Variants in MARCHF11 observed in about 807,000 individuals in gnomAD.
The protein encoded by MARCHF11 is membrane associated ring-CH-type finger 11.
A neutral mutation model predicts 37.3 loss-of-function variants in MARCHF11; 29 were observed. The ratio of observed to expected loss-of-function variants is 0.78; its 90% CI spans 0.58 to 1.06. MARCHF11 has a LOEUF of 1.06. Ranked by LOEUF, MARCHF11 falls within the 50% of genes least tolerant of loss-of-function variation. MARCHF11 has a pLI of 0.00. For synonymous variants in MARCHF11, 233 were observed against 228.0 expected (o/e 1.02, Z -0.20); for missense variants, 482 against 533.4 (o/e 0.90, Z 0.95).
intron 2 of MARCHF11, among the ~76,000 whole-genome samples, chr5:16,175,051 C>A (rs550021758): frequency 6.6e-6 from 1 of 152,356 alleles, no homozygotes; most frequent in South Asian, 2.1e-4. Flanking sequence ...GGAGGGAGAA[C>A]TGACACACCA....
intron 2 of MARCHF11, among the ~76,000 whole-genome samples, chr5:16,170,009 T>C (rs1738232152): frequency 6.6e-6 from 1 of 152,108 alleles, no homozygotes; most frequent in Non-Finnish European, 1.5e-5. Flanking sequence ...AAATAGCCTG[T>C]TGTCTGGCTA....
chr5:16,131,752 G>T lies in MARCHF11; in HGVS notation c.694-40671C>A, dbSNP rs372942060. On this transcript the variant is annotated intron_variant, in intron 2 of 3. Coordinates refer to ENST00000332432, the MANE Select transcript of MARCHF11 (RefSeq NM_001102562.3). The stretch of plus-strand genomic sequence containing the variant: ...TCTGGGAACATTGCCATTTCATGAT[G>T]GACAGCTTAAATGGAAAGATCACTA... 3.3e-5 allele frequency among the ~76,000 whole-genome samples: 5 copies of T among 152,282 alleles called. 1 individual carries two copies. Among genetic ancestry groups the T allele is most frequent in the East Asian group, 1.9e-4 (1 of 5,186 alleles).
chr5:16,091,368 A>G (rs1168692449), intron 2 of MARCHF11, among the ~76,000 whole-genome samples: 5 of 152,230 alleles, frequency 3.3e-5, no homozygotes, highest in African/African-American at 1.2e-4. Flanking sequence ...AATATTTAGT[A>G]TCTGGAAATC....
intron 2 of MARCHF11, among the ~76,000 whole-genome samples, chr5:16,122,476 T>TTA (rs1737326830): frequency 1.3e-5 from 2 of 152,198 alleles, no homozygotes; most frequent in African/African-American, 4.8e-5. Context: ...TAAGTAATAC[T>TTA]TATATTTTTA....
intron 2 of MARCHF11, among the ~76,000 whole-genome samples, chr5:16,155,160 A>C (rs344731): frequency 1.3e-5 from 2 of 151,856 alleles, no homozygotes; most frequent in Non-Finnish European, 2.9e-5. Flanking sequence ...AGAGCCATAC[A>C]CACTAACTAC....
chr5:16,176,465 A>G (rs959252722), intron 2 of MARCHF11, among the ~76,000 whole-genome samples: 5 of 152,184 alleles, frequency 3.3e-5, no homozygotes, highest in African/African-American at 1.2e-4. Flanking sequence ...TTCTTGGAAA[A>G]GGTGTCAGGT....
At chr5:16,164,045 A>G (rs1459565915) in intron 2 of MARCHF11, among the ~76,000 whole-genome samples, 1 of 152,062 alleles carries the variant, frequency 6.6e-6, no homozygotes, top group Non-Finnish European at 1.5e-5. Context: ...CAAACCTGCT[A>G]GGGGCTTGAT....
chr5:16,163,009 A>G (rs984115473), intron 2 of MARCHF11, among the ~76,000 whole-genome samples: 1 of 152,034 alleles, frequency 6.6e-6, no homozygotes, highest in African/African-American at 2.4e-5. Context: ...GCATATTGCC[A>G]AAGTCCATGC....
At chr5:16,085,011 TGC>T (rs201791148) in intron 3 of MARCHF11, among the ~76,000 whole-genome samples, 338 of 149,210 alleles carry the variant, frequency 2.3e-3, no homozygotes, top group African/African-American at 7.7e-3. Context: ...TGTGTGTGTG[TGC>T]GCCTATATCT....
chr5:16,099,427 T>G (rs1277203262), intron 2 of MARCHF11, among the ~76,000 whole-genome samples: 1 of 152,198 alleles, frequency 6.6e-6, no homozygotes, highest in African/African-American at 2.4e-5. Flanking sequence ...GATTTTTCAC[T>G]GATGTAATTT....
In MARCHF11 at chr5:16,179,676, A is replaced by C. The variant is rs1160263635; in HGVS notation, c.-101T>G. 3.2e-6 allele frequency: 1 copy of C among 316,944 alleles called. No homozygotes were observed. The highest frequency in any genetic ancestry group is 3.7e-6 in the Non-Finnish European group (1 of 269,496). The allele number at this position is 316,944 out of a possible 1,614,324, so 19.6% of individuals were successfully genotyped here. On this transcript the variant is annotated 5_prime_UTR_variant, in exon 1 of 4. Coordinates refer to ENST00000332432, the MANE Select transcript of MARCHF11 (RefSeq NM_001102562.3). ...GGGGCGGGAGGGAGAGGGGAAAAGG[A>C]GGGAGGGGGCCCGGACGCCTGGGGC... is the stretch of plus-strand genomic sequence containing the variant.
chr5:16,105,802 C>A (rs919682932), intron 2 of MARCHF11, among the ~76,000 whole-genome samples: 1 of 151,328 alleles, frequency 6.6e-6, no homozygotes, highest in South Asian at 2.1e-4. Context: ...TGTTTTTTTT[C>A]AATTTCATTT....
chr5:16,122,799 C>T (rs79430660), intron 2 of MARCHF11, among the ~76,000 whole-genome samples: 3,717 of 152,218 alleles, frequency 0.024, 118 homozygotes, highest in African/African-American at 0.064. Context: ...GTGGAAAGCA[C>T]ATCATCAAAG....
chr5:16,112,919 G>C (rs1737171379), intron 2 of MARCHF11, among the ~76,000 whole-genome samples: 1 of 152,014 alleles, frequency 6.6e-6, no homozygotes. Context: ...CCTTTTGCTT[G>C]GTTCTCATTC....
chr5:16,130,760 T>C (rs745955963), intron 2 of MARCHF11, among the ~76,000 whole-genome samples: 3 of 152,194 alleles, frequency 2.0e-5, no homozygotes, highest in Non-Finnish European at 2.9e-5. Flanking sequence ...CAGGTTAATC[T>C]TAGCACTACT....
chr5:16,094,928 A>C (rs1381527173), intron 2 of MARCHF11, among the ~76,000 whole-genome samples: 1 of 152,152 alleles, frequency 6.6e-6, no homozygotes, highest in Non-Finnish European at 1.5e-5. Flanking sequence ...TCTATGAGGG[A>C]ATTACTATTG....
rs578077196 is a variant in MARCHF11, at chr5:16,106,339, A to G, written c.694-15258T>C. Among the ~76,000 whole-genome samples, 5 of 152,328 alleles carry G rather than the reference A, an allele frequency of 3.3e-5. No individual in the cohort carries two copies. In the South Asian group the frequency reaches 8.3e-4, roughly 25 times the overall value. On this transcript the variant is annotated intron_variant, in intron 2 of 3. Coordinates refer to ENST00000332432, the MANE Select transcript of MARCHF11 (RefSeq NM_001102562.3). Reference sequence around the variant, plus strand: ...TCGGCAATCTGATAGCTCTATCTACATAACATCCAACAATATGACCAATTT... The same window carrying G: ...TCGGCAATCTGATAGCTCTATCTACGTAACATCCAACAATATGACCAATTT...
At chr5:16,170,423 A>T (rs893326366) in intron 2 of MARCHF11, among the ~76,000 whole-genome samples, 3 of 152,152 alleles carry the variant, frequency 2.0e-5, no homozygotes, top group African/African-American at 7.2e-5. Flanking sequence ...GTTACTATCA[A>T]GGCTTTTTTT....
intron 2 of MARCHF11, among the ~76,000 whole-genome samples, chr5:16,130,728 G>A (rs1737502887): frequency 6.6e-6 from 1 of 152,080 alleles, no homozygotes; most frequent in Non-Finnish European, 1.5e-5. Flanking sequence ...GTCATTTTTG[G>A]GGTAGAAGAC....
Sources: allele counts gnomAD v4.1 joint callset (sites outside exome capture counted in the v4.1 genomes callset), GRCh38; gene constraint gnomAD v4.1.1; transcripts MANE v1.5; gene names NCBI Gene and HGNC (gene_info 2026-07-23, HGNC 2026-07-21).